Variants in BBS4 observed in about 807,000 individuals in gnomAD.
The protein encoded by BBS4 is BBSome complex member BBS4.
BBS4 carries 58 observed loss-of-function variants against 71.4 expected under a neutral mutation model. That is an observed-to-expected ratio of 0.81 (90% CI 0.66 to 1.01). The LOEUF (loss-of-function observed/expected upper bound fraction) is 1.01. BBS4 is among the 50% of genes least tolerant of loss of function. BBS4 has a pLI of 0.00. For synonymous variants in BBS4, 228 were observed against 216.8 expected, an observed-to-expected ratio of 1.05 and a Z score of -0.46; for missense variants, 660 against 607.9, an observed-to-expected ratio of 1.09 and a Z score of -0.90.
chr15:72,686,825 A>C, intron 1 of BBS4: 1 of 337,216 alleles, frequency 3.0e-6, no homozygotes, highest in South Asian at 2.3e-5. Context: ...TATATCTATA[A>C]TTGGATCTAA....
intron 1 of BBS4, among the ~76,000 whole-genome samples, chr15:72,688,065 A>AAG (rs1555496456): frequency 5.5e-5 from 8 of 144,872 alleles, no homozygotes; most frequent in African/African-American, 1.3e-4. Flanking sequence ...AAAAAAAAAA[A>AAG]AAAAGAAAAT....
chr15:72,702,755 C>A (rs980770389), intron 2 of BBS4, among the ~76,000 whole-genome samples: 12 of 150,952 alleles, frequency 7.9e-5, no homozygotes, highest in African/African-American at 2.9e-4. Context: ...GCCCTCAGAT[C>A]CATTCCTTGC....
intron 3 of BBS4, among the ~76,000 whole-genome samples, chr15:72,710,470 G>C (rs1595922425): frequency 6.6e-6 from 1 of 152,112 alleles, no homozygotes; most frequent in African/African-American, 2.4e-5. Flanking sequence ...AAAGTGCTGG[G>C]ATTACAGGCG....
At chr15:72,711,272 TGA>T (rs1175405469) in intron 3 of BBS4, among the ~76,000 whole-genome samples, 1 of 151,862 alleles carries the variant, frequency 6.6e-6, no homozygotes, top group Non-Finnish European at 1.5e-5. Context: ...CTCAGCCTCC[TGA>T]GTAGCTGGGA....
At chr15:72,711,304 C>T (rs769025460) in intron 3 of BBS4, among the ~76,000 whole-genome samples, 26 of 151,842 alleles carry the variant, frequency 1.7e-4, no homozygotes, top group Admixed American at 3.9e-4. Flanking sequence ...TGTGCCACCA[C>T]GCCTGGCTAA....
In BBS4 at chr15:72,712,267, A is replaced by G. The variant is rs114434361; in HGVS notation, c.180A>G (p.Gln60=). The G allele has an allele frequency of 1.5e-3, 2,352 of 1,614,122 alleles. 30 individuals carry two copies. The African/African-American group carries it at 0.028, about 19-fold the overall frequency. Residue 60 remains glutamine, a synonymous_variant, in exon 4 of 16, where the codon CAA becomes CAG. Transcript: ENST00000268057. The stretch of plus-strand genomic sequence containing the variant: ...AGGCTGTTATCAAAGAACAGCTTCA[A>G]GAGACTCAGGGATTGTGTGAATATG... ...ACKAVIKEQL[Q]ETQGLCEYAI...
intron 2 of BBS4, among the ~76,000 whole-genome samples, chr15:72,708,028 G>A (rs192562102): frequency 6.6e-6 from 1 of 151,020 alleles, no homozygotes; most frequent in African/African-American, 2.4e-5. Flanking sequence ...GTGCAGTGGC[G>A]CGATCTCGGC....
In BBS4 at chr15:72,729,618, C is replaced by T. The variant is rs373731535; in HGVS notation, c.645C>T (p.Leu215=). 1.1e-5 allele frequency: 18 copies of T among 1,613,662 alleles called. No individual in the cohort carries two copies. The highest frequency in any genetic ancestry group is 8.0e-5 in the African/African-American group (6 of 74,832). Reference sequence around the variant, plus strand: ...GTCTTGTTTGCTTTTTTTCCAAGCTCGGCATTTACCAGAAGGCATTTGAAC... The same window carrying T: ...GTCTTGTTTGCTTTTTTTCCAAGCTTGGCATTTACCAGAAGGCATTTGAAC... ...LTTLGLLYLQ[L]GIYQKAFEHL... is the part of the protein sequence containing the mutation. Residue 215 remains leucine, a splice_region_variant and synonymous_variant, in exon 10 of 16, where the codon CTC becomes CTT. Coordinates refer to ENST00000268057, the MANE Select transcript of BBS4 (RefSeq NM_033028.5).
intron 8 of BBS4, among the ~76,000 whole-genome samples, chr15:72,727,223 T>C (rs2065719816): frequency 6.6e-6 from 1 of 152,214 alleles, no homozygotes. Context: ...GAAGACATTG[T>C]TCATAGCCCT....
chr15:72,692,664 T>C (rs1293652639), intron 1 of BBS4, among the ~76,000 whole-genome samples: 1 of 151,230 alleles, frequency 6.6e-6, no homozygotes. Flanking sequence ...GGTCCAATCA[T>C]GGCTTGCTGC....
chr15:72,698,390 C>T (rs1595909990), intron 2 of BBS4, among the ~76,000 whole-genome samples: 2 of 152,174 alleles, frequency 1.3e-5, no homozygotes, highest in East Asian at 3.8e-4. Flanking sequence ...TAAATCTCCA[C>T]ATCCCCTTGC....
At chr15:72,720,041 CTT>C (rs1235793757) in intron 6 of BBS4, among the ~76,000 whole-genome samples, 2 of 145,078 alleles carry the variant, frequency 1.4e-5, no homozygotes, top group African/African-American at 2.5e-5. Context: ...GAGCCACCAC[CTT>C]TTTTTTTTTT....
intron 10 of BBS4, among the ~76,000 whole-genome samples, chr15:72,729,975 A>G (rs2065780147): frequency 6.6e-6 from 1 of 152,092 alleles, no homozygotes; most frequent in South Asian, 2.1e-4. Flanking sequence ...CTCCACAACT[A>G]TTGTCAAAAA....
At chr15:72,693,790 CT>C (rs1278052050) in intron 1 of BBS4, among the ~76,000 whole-genome samples, 5 of 152,122 alleles carry the variant, frequency 3.3e-5, no homozygotes, top group Admixed American at 1.3e-4. Flanking sequence ...GTACCTGACA[CT>C]GGAGTAATTA....
chr15:72,716,256 C>T (rs1483259929), intron 5 of BBS4, among the ~76,000 whole-genome samples: 3 of 152,098 alleles, frequency 2.0e-5, no homozygotes, highest in Admixed American at 6.6e-5. Flanking sequence ...CTAGGTACTC[C>T]CTTTTCAGTC....
At chr15:72,687,134 T>TTTTTTTTTTTTTTA (rs60080079) in intron 1 of BBS4, among the ~76,000 whole-genome samples, 1 of 140,478 alleles carries the variant, frequency 7.1e-6, no homozygotes. Context: ...CTTTTTTTTT[T>TTTTTTTTTTTTTTA]GAGACGGAGT....
Position 72,735,947 on chromosome 15 carries a change from C to T in BBS4, c.1229C>T (p.Ser410Phe). 6.2e-7 allele frequency: 1 copy of T among 1,614,092 alleles called. No homozygotes were observed. Among genetic ancestry groups the T allele is most frequent in the South Asian group, 1.1e-5 (1 of 91,056 alleles). ...KKVSLLKDNS[S>F]LEFDSEMVEM... ...GTCAGCCTACTCAAGGACAATAGCT[C>T]TCTGGAATTTGACTCTGAGGTATGT... Residue 410 changes from serine to phenylalanine, a missense_variant, in exon 14 of 16, where the codon TCT (serine) becomes TTT (phenylalanine). Ser to Phe is a radical substitution (Grantham distance 155). Transcript: ENST00000268057.
intron 1 of BBS4, chr15:72,686,505 T>A: frequency 6.6e-7 from 1 of 1,517,910 alleles, no homozygotes; most frequent in African/African-American, 1.4e-5. Flanking sequence ...GAAGGGAGAC[T>A]TTTCACCAGT....
intron 7 of BBS4, among the ~76,000 whole-genome samples, chr15:72,723,959 T>C (rs968139566): frequency 6.6e-6 from 1 of 152,230 alleles, no homozygotes; most frequent in African/African-American, 2.4e-5. Context: ...ATATAAATGC[T>C]TGTTGAATCT....
Sources: gnomAD v4.1 joint callset for allele counts (sites outside exome capture counted in the v4.1 genomes callset) on GRCh38, gnomAD v4.1.1 for gene constraint, MANE v1.5 for transcripts, NCBI Gene and HGNC (gene_info 2026-07-23, HGNC 2026-07-21) for gene names.